ROBO2: variants seen among roughly 807,000 people sequenced by gnomAD.
ROBO2 encodes roundabout guidance receptor 2, also known as roundabout homolog 2.
ROBO2 carries 53 observed loss-of-function variants against 160.8 expected under a neutral mutation model. That is an observed-to-expected ratio of 0.33 (90% CI 0.26 to 0.41). ROBO2 has a LOEUF of 0.41. ROBO2 is among the 10% of genes least tolerant of loss of function. ROBO2 has a pLI of 1.00. For synonymous variants in ROBO2, 664 were observed against 611.7 expected, an observed-to-expected ratio of 1.09 and a Z score of -1.26; for missense variants, 1,577 against 1,722.4, an observed-to-expected ratio of 0.92 and a Z score of 1.49.
chr3:76,840,645 T>TTATATATATATATATATA (rs3068959), intron 2 of ROBO2, among the ~76,000 whole-genome samples: 1 of 134,986 alleles, frequency 7.4e-6, no homozygotes. Context: ...TAATTATATT[T>TTATATATATATATATATA]TATATATATA....
chr3:76,309,933 C>T (rs1282320231), intron 2 of ROBO2, among the ~76,000 whole-genome samples: 5 of 152,136 alleles, frequency 3.3e-5, no homozygotes, highest in African/African-American at 1.2e-4. Flanking sequence ...AAGTGATCCT[C>T]TTGCCTCAGC....
intron 2 of ROBO2, among the ~76,000 whole-genome samples, chr3:76,509,610 G>A (rs947802287): frequency 6.6e-6 from 1 of 152,070 alleles, no homozygotes; most frequent in Admixed American, 6.6e-5. Flanking sequence ...AGAGACATTC[G>A]GCCTAGTGTT....
chr3:76,620,137 T>C (rs188034619), intron 2 of ROBO2, among the ~76,000 whole-genome samples: 421 of 152,292 alleles, frequency 2.8e-3, no homozygotes, highest in Middle Eastern at 6.8e-3. Context: ...TTTAAAATCT[T>C]AGCATTAAGT....
At chr3:77,106,417 T>C (rs2072805687) in intron 2 of ROBO2, among the ~76,000 whole-genome samples, 1 of 111,286 alleles carries the variant, frequency 9.0e-6, no homozygotes, top group Non-Finnish European at 2.0e-5. Context: ...AAAATGTAGG[T>C]AGGTTGACAT....
chr3:77,495,108 T>G (rs1219818172), intron 5 of ROBO2, among the ~76,000 whole-genome samples: 1 of 152,196 alleles, frequency 6.6e-6, no homozygotes, highest in Non-Finnish European at 1.5e-5. Flanking sequence ...GTCAGCAACT[T>G]TCTTCAAATT....
intron 6 of ROBO2, among the ~76,000 whole-genome samples, chr3:77,532,166 A>G (rs989152486): frequency 6.6e-6 from 1 of 151,462 alleles, no homozygotes; most frequent in Non-Finnish European, 1.5e-5. Context: ...ATGTCTGTCC[A>G]TTGAACAGGA....
At chr3:75,909,755 A>T (rs1057425081) in intron 1 of ROBO2, among the ~76,000 whole-genome samples, 2 of 152,324 alleles carry the variant, frequency 1.3e-5, no homozygotes, top group Non-Finnish European at 2.9e-5. Flanking sequence ...ACAATGCCCT[A>T]TATTTCTTCC....
chr3:76,197,661 T>C (rs1043781503), intron 2 of ROBO2, among the ~76,000 whole-genome samples: 5 of 152,312 alleles, frequency 3.3e-5, no homozygotes, highest in African/African-American at 1.2e-4. Context: ...TTTAACATAA[T>C]GCTCCAAACA....
At chr3:77,356,310 T>G (rs1167704201) in intron 2 of ROBO2, among the ~76,000 whole-genome samples, 3 of 151,620 alleles carry the variant, frequency 2.0e-5, no homozygotes, top group African/African-American at 7.3e-5. Flanking sequence ...GAAAAGCACA[T>G]TAGTGACTAT....
intron 2 of ROBO2, among the ~76,000 whole-genome samples, chr3:77,152,236 T>C (rs2077606854): frequency 1.3e-5 from 2 of 152,164 alleles, no homozygotes; most frequent in Admixed American, 6.6e-5. Flanking sequence ...GGAAGTACAA[T>C]GTAAGCCATA....
intron 6 of ROBO2, chr3:77,539,006 C>G: frequency 2.6e-6 from 1 of 381,828 alleles, no homozygotes; most frequent in Non-Finnish European, 5.2e-6. Flanking sequence ...CAAGCTCCGC[C>G]TCCCGGGTTC....
At chr3:76,429,170 A>T (rs576373393) in intron 2 of ROBO2, among the ~76,000 whole-genome samples, 2 of 151,168 alleles carry the variant, frequency 1.3e-5, no homozygotes, top group South Asian at 2.1e-4. Context: ...GTGGGCGCAC[A>T]CACACACACA....
intron 1 of ROBO2, among the ~76,000 whole-genome samples, chr3:77,083,888 G>A (rs2068962265): frequency 6.6e-6 from 1 of 152,054 alleles, no homozygotes; most frequent in Admixed American, 6.6e-5. Flanking sequence ...CCCGAACAAA[G>A]CCTAGAACTT....
intron 23 of ROBO2, chr3:77,629,043 ACTT>A (rs2095099011): frequency 6.6e-6 from 1 of 152,146 alleles, no homozygotes; most frequent in Non-Finnish European, 1.5e-5. Flanking sequence ...AGCAGGGAAA[ACTT>A]CATGAATAAT....
intron 2 of ROBO2, among the ~76,000 whole-genome samples, chr3:76,917,923 T>C (rs1353819993): frequency 6.6e-6 from 1 of 152,074 alleles, no homozygotes; most frequent in Non-Finnish European, 1.5e-5. Flanking sequence ...TTCTAGATAT[T>C]AAGAAGAACA....
At chr3:77,225,601 TG>T (rs1454795361) in intron 2 of ROBO2, among the ~76,000 whole-genome samples, 1 of 151,992 alleles carries the variant, frequency 6.6e-6, no homozygotes, top group African/African-American at 2.4e-5. Context: ...AGCACCTCTG[TG>T]GGTCATTTTT....
At chr3:76,236,024 C>T (rs1021395252) in intron 2 of ROBO2, among the ~76,000 whole-genome samples, 3 of 152,174 alleles carry the variant, frequency 2.0e-5, no homozygotes, top group African/African-American at 4.8e-5. Flanking sequence ...AAATGAACCT[C>T]ATATAGTTAA....
intron 2 of ROBO2, among the ~76,000 whole-genome samples, chr3:76,997,148 T>G (rs73841791): frequency 0.043 from 6,532 of 152,250 alleles, 447 homozygotes; most frequent in African/African-American, 0.15. Context: ...TAGTATTAAA[T>G]AGAAATAATT....
chr3:76,683,764 T>G (rs1278324271), intron 2 of ROBO2, among the ~76,000 whole-genome samples: 2 of 152,150 alleles, frequency 1.3e-5, no homozygotes, highest in African/African-American at 2.4e-5. Flanking sequence ...TCCCAGGATT[T>G]TATCTATTTC....
Sources: allele counts gnomAD v4.1 joint callset (sites outside exome capture counted in the v4.1 genomes callset), GRCh38; gene constraint gnomAD v4.1.1; transcripts MANE v1.5; gene names NCBI Gene and HGNC (gene_info 2026-07-23, HGNC 2026-07-21).